Variants in BICC1 observed in about 807,000 individuals in gnomAD.
The protein encoded by BICC1 is protein bicaudal C homolog 1.
In BICC1, 43 loss-of-function variants were observed where a neutral mutation model predicts 111.0. That is an observed-to-expected ratio of 0.39 (90% CI 0.30 to 0.50). BICC1 has a LOEUF of 0.50. Ranked by LOEUF, BICC1 falls within the 20% of genes least tolerant of loss-of-function variation. BICC1 has a pLI of 0.88. For synonymous variants in BICC1, 467 were observed against 434.4 expected (o/e 1.07, Z -0.93); for missense variants, 1,091 against 1,203.2 (o/e 0.91, Z 1.38).
intron 3 of BICC1, among the ~76,000 whole-genome samples, chr10:58,712,465 C>T (rs935850880): frequency 3.9e-5 from 6 of 152,126 alleles, no homozygotes; most frequent in Non-Finnish European, 5.9e-5. Context: ...AGATGTCCTT[C>T]AGTAGGTGAA....
At chr10:58,535,771 G>T (rs1024275182) in intron 1 of BICC1, among the ~76,000 whole-genome samples, 14 of 151,664 alleles carry the variant, frequency 9.2e-5, no homozygotes, top group Admixed American at 7.9e-4. Flanking sequence ...TCCATTAAAA[G>T]ATACAGATTG....
At chr10:58,527,665 T>C (rs1365732684) in intron 1 of BICC1, among the ~76,000 whole-genome samples, 1 of 152,102 alleles carries the variant, frequency 6.6e-6, no homozygotes, top group Non-Finnish European at 1.5e-5. Context: ...CCCAGCACCA[T>C]TTATTAAATA....
intron 1 of BICC1, among the ~76,000 whole-genome samples, chr10:58,579,123 C>T (rs1003413089): frequency 1.3e-5 from 2 of 152,138 alleles, no homozygotes; most frequent in Non-Finnish European, 2.9e-5. Context: ...GTCAGCCCCA[C>T]TGAAGCCCCA....
chr10:58,639,567 G>GTTTTTTTTT (rs141399509), intron 2 of BICC1, among the ~76,000 whole-genome samples: 3 of 89,948 alleles, frequency 3.3e-5, no homozygotes, highest in African/African-American at 1.3e-4. Flanking sequence ...CCAGCTAATT[G>GTTTTTTTTT]TTTTTTTTTT....
intron 1 of BICC1, among the ~76,000 whole-genome samples, chr10:58,558,921 A>G (rs1442071515): frequency 1.3e-5 from 2 of 152,076 alleles, no homozygotes; most frequent in Non-Finnish European, 2.9e-5. Flanking sequence ...CTCTTTCCTT[A>G]CACTTTAATC....
intron 20 of BICC1, among the ~76,000 whole-genome samples, chr10:58,822,868 G>T (rs1844293531): frequency 6.6e-6 from 1 of 152,084 alleles, no homozygotes; most frequent in Admixed American, 6.6e-5. Flanking sequence ...TTATAGATTG[G>T]TTAGGTCCAG....
At chr10:58,616,204 G>C (rs1430922346) in intron 1 of BICC1, among the ~76,000 whole-genome samples, 1 of 152,196 alleles carries the variant, frequency 6.6e-6, no homozygotes, top group Non-Finnish European at 1.5e-5. Context: ...CGAGGAGGCT[G>C]TTAGTGAGAC....
chr10:58,798,539 G>A lies in BICC1; in HGVS notation c.1507G>A (p.Ala503Thr), dbSNP rs910195323. The A allele has an allele frequency of 1.2e-6, 2 of 1,609,018 alleles. No individual in the cohort carries two copies. The highest frequency in any genetic ancestry group is 8.5e-7 in the Non-Finnish European group (1 of 1,178,166). ...CCCCACATTATGGGCACCCCCACTT[G>A]CTAATACTTCAAGTGCCACAGGTCA... The part of the protein sequence containing the change: ...PSPTLWAPPL[A>T]NTSSATGFSA... Residue 503 changes from alanine to threonine, a missense_variant, in exon 11 of 21, where the codon GCT (alanine) becomes ACT (threonine). Coordinates refer to ENST00000373886, the MANE Select transcript of BICC1 (RefSeq NM_001080512.3).
At chr10:58,572,416 G>C (rs1451165063) in intron 1 of BICC1, among the ~76,000 whole-genome samples, 1 of 152,026 alleles carries the variant, frequency 6.6e-6, no homozygotes, top group Non-Finnish European at 1.5e-5. Flanking sequence ...GAATGGTATT[G>C]CCTTAATTAA....
intron 1 of BICC1, among the ~76,000 whole-genome samples, chr10:58,582,776 C>G (rs1330693982): frequency 6.6e-6 from 1 of 152,174 alleles, no homozygotes; most frequent in African/African-American, 2.4e-5. Flanking sequence ...GCTCCTTCCT[C>G]CATTTTTAAA....
intron 2 of BICC1, among the ~76,000 whole-genome samples, chr10:58,695,653 A>G (rs1010774411): frequency 6.6e-6 from 1 of 152,200 alleles, no homozygotes; most frequent in Non-Finnish European, 1.5e-5. Context: ...TCGGGAGCGA[A>G]GAATTTGGTG....
chr10:58,828,669 C>T, intron 20 of BICC1, 92 bp from the exon 21 acceptor site: 12 of 1,362,424 alleles, frequency 8.8e-6, no homozygotes, highest in Middle Eastern at 1.9e-4. Context: ...AAAAACCTAC[C>T]ACGTCACCAT....
At chr10:58,625,637 A>G (rs1351895314) in intron 2 of BICC1, among the ~76,000 whole-genome samples, 1 of 152,200 alleles carries the variant, frequency 6.6e-6, no homozygotes, top group Admixed American at 6.5e-5. Flanking sequence ...TGAGATATTG[A>G]TGGCTTATGT....
At chr10:58,561,579 C>G (rs1843605682) in intron 1 of BICC1, among the ~76,000 whole-genome samples, 2 of 151,972 alleles carry the variant, frequency 1.3e-5, no homozygotes, top group South Asian at 4.1e-4. Flanking sequence ...TAGGTGAGAG[C>G]ACACTCCTGT....
chr10:58,571,240 A>T (rs957619145), intron 1 of BICC1, among the ~76,000 whole-genome samples: 2 of 152,194 alleles, frequency 1.3e-5, no homozygotes, highest in African/African-American at 4.8e-5. Context: ...CCCTGGGCCT[A>T]TCCAAATACC....
intron 2 of BICC1, among the ~76,000 whole-genome samples, chr10:58,700,647 G>A (rs1397927317): frequency 6.6e-6 from 1 of 152,108 alleles, no homozygotes; most frequent in Non-Finnish European, 1.5e-5. Context: ...ATATTGCTCT[G>A]AGAAAAACAG....
chr10:58,606,342 T>G (rs545247761), intron 1 of BICC1, among the ~76,000 whole-genome samples: 1 of 151,308 alleles, frequency 6.6e-6, no homozygotes, highest in East Asian at 1.9e-4. Flanking sequence ...GCCTGAAAAT[T>G]TCACCATATC....
At chr10:58,743,788 T>TC (rs1841745955) in intron 3 of BICC1, among the ~76,000 whole-genome samples, 1 of 151,398 alleles carries the variant, frequency 6.6e-6, no homozygotes, top group Admixed American at 6.6e-5. Flanking sequence ...TTTTTTTTTT[T>TC]TTTTAAAGCA....
chr10:58,565,548 C>G (rs1287843861), intron 1 of BICC1, among the ~76,000 whole-genome samples: 1 of 152,138 alleles, frequency 6.6e-6, no homozygotes, highest in Non-Finnish European at 1.5e-5. Context: ...TACTGTCTCC[C>G]CTTGCCCCCC....
Sources: gnomAD v4.1 joint callset for allele counts (sites outside exome capture counted in the v4.1 genomes callset) on GRCh38, gnomAD v4.1.1 for gene constraint, MANE v1.5 for transcripts, NCBI Gene and HGNC (gene_info 2026-07-23, HGNC 2026-07-21) for gene names.